TBL1Y: variants seen among roughly 807,000 people sequenced by gnomAD.
TBL1Y encodes F-box-like/WD repeat-containing protein TBL1Y.
A neutral mutation model predicts 12.0 loss-of-function variants in TBL1Y; 15 were observed. The observed-to-expected ratio is 1.25, with a 90% CI of 0.83 to 1.92. The LOEUF is 1.92. Ranked by LOEUF, TBL1Y falls within the 40% of genes most tolerant of loss-of-function variation. TBL1Y has a pLI of 0.00. For synonymous variants in TBL1Y, 53 were observed against 42.6 expected (o/e 1.24, Z -0.95); for missense variants, 148 against 116.7 (o/e 1.27, Z -1.24).
chrY:7,059,082 A>G, intron 7 of TBL1Y, among the ~76,000 whole-genome samples: 1 of 32,833 alleles, frequency 3.0e-5, no homozygotes, highest in Admixed American at 2.8e-4. Flanking sequence ...AAAGCTCTAC[A>G]TGGGGGAGCA....
intron 14 of TBL1Y, among the ~76,000 whole-genome samples, chrY:7,081,864 C>G (rs2124189609): frequency 3.0e-5 from 1 of 33,037 alleles, no homozygotes; most frequent in Admixed American, 2.8e-4. Flanking sequence ...ATTGGGATTA[C>G]AATTCAACCT....
intron 2 of TBL1Y, among the ~76,000 whole-genome samples, chrY:6,925,695 C>T: frequency 5.9e-5 from 2 of 33,769 alleles, no homozygotes; most frequent in Non-Finnish European, 1.5e-4. Flanking sequence ...GGATTACAGG[C>T]GTGAGCCACT....
rs371209375 is a variant in TBL1Y at position 7,011,324 on chromosome Y, C to T, written c.-139-10125C>T. Among the ~76,000 whole-genome samples the T allele has an allele frequency of 4.7e-3, 159 of 34,193 alleles. No homozygotes were observed. In the East Asian group the frequency reaches 0.069, roughly 15 times the overall value. The allele number at this position is 34,193 out of a possible 37,273, so 91.7% of individuals were successfully genotyped here. ...CATTGCCCACTGTCCCCCTGGGGGG[C>T]AACATGACCCCAATTGAGAACCACC... On this transcript the variant is annotated intron_variant, in intron 4 of 18. Coordinates refer to ENST00000383032, the MANE Select transcript of TBL1Y (RefSeq NM_033284.2).
intron 7 of TBL1Y, among the ~76,000 whole-genome samples, chrY:7,063,343 C>T (rs2012904405): frequency 2.9e-5 from 1 of 33,954 alleles, no homozygotes; most frequent in Non-Finnish European, 7.3e-5. Flanking sequence ...GGGAAGGGTT[C>T]TTATCCCTGA....
chrY:6,972,870 C>G (rs2012215604), intron 2 of TBL1Y, among the ~76,000 whole-genome samples: 1 of 33,653 alleles, frequency 3.0e-5, no homozygotes, highest in African/African-American at 1.2e-4. Context: ...TGTGGACCAA[C>G]AAGGAGAGTG....
chrY:7,087,827 A>C (rs113325051), intron 17 of TBL1Y, among the ~76,000 whole-genome samples: 1,933 of 32,631 alleles, frequency 0.059, no homozygotes, highest in South Asian at 0.31. Context: ...CTAGATATTG[A>C]GGTTGGAGGG....
chrY:6,924,432 A>G (rs749003967), intron 2 of TBL1Y, among the ~76,000 whole-genome samples: 1 of 31,491 alleles, frequency 3.2e-5, no homozygotes, highest in South Asian at 7.6e-4. Context: ...CTAAAAATAC[A>G]AAAAAATTAG....
At chrY:7,082,916 T>C in intron 14 of TBL1Y, among the ~76,000 whole-genome samples, 4 of 33,341 alleles carry the variant, frequency 1.2e-4, no homozygotes. Flanking sequence ...CTGATGTAAA[T>C]TCCATTTTTC....
intron 2 of TBL1Y, among the ~76,000 whole-genome samples, chrY:6,917,961 ATCTCAT>A (rs2011747270): frequency 3.0e-5 from 1 of 33,226 alleles, no homozygotes; most frequent in Non-Finnish European, 7.4e-5. Context: ...TGCCACCTTC[ATCTCAT>A]TCTCTTCTTA....
chrY:6,927,607 A>T, intron 2 of TBL1Y, among the ~76,000 whole-genome samples: 1 of 33,639 alleles, frequency 3.0e-5, no homozygotes, highest in Non-Finnish European at 7.3e-5. Context: ...GAAATCTTGG[A>T]AAAATGCTAA....
intron 6 of TBL1Y, among the ~76,000 whole-genome samples, chrY:7,038,781 T>C (rs2012707870): frequency 3.0e-5 from 1 of 33,506 alleles, no homozygotes; most frequent in Non-Finnish European, 7.4e-5. Flanking sequence ...CTATCTTTCA[T>C]TGAGGTACCA....
At chrY:7,064,908 G>C (rs2012966209) in intron 8 of TBL1Y, among the ~76,000 whole-genome samples, 1 of 33,410 alleles carries the variant, frequency 3.0e-5, no homozygotes. Flanking sequence ...AAAATAGTGT[G>C]ACATAAAGGT....
At chrY:6,992,064 C>G in intron 3 of TBL1Y, among the ~76,000 whole-genome samples, 1 of 33,929 alleles carries the variant, frequency 2.9e-5, no homozygotes, top group Admixed American at 2.7e-4. Flanking sequence ...GGACGATGTC[C>G]AAGTCTGGTC....
chrY:7,034,609 A>G (rs999137498), intron 6 of TBL1Y, among the ~76,000 whole-genome samples: 8 of 33,514 alleles, frequency 2.4e-4, no homozygotes, highest in African/African-American at 9.3e-4. Flanking sequence ...CCAAAACAGA[A>G]TGGTACTGGT....
intron 3 of TBL1Y, among the ~76,000 whole-genome samples, chrY:6,983,190 T>C: frequency 3.0e-5 from 1 of 33,089 alleles, no homozygotes; most frequent in Admixed American, 2.8e-4. Flanking sequence ...CCTGTGTCTC[T>C]TGGGGGTCAA....
intron 6 of TBL1Y, among the ~76,000 whole-genome samples, chrY:7,036,069 G>A (rs775223476): frequency 3.0e-5 from 1 of 33,469 alleles, no homozygotes; most frequent in Non-Finnish European, 7.4e-5. Context: ...TGGCTGCCGG[G>A]AGTCCAGAGT....
At chrY:7,029,181 C>A in intron 6 of TBL1Y, among the ~76,000 whole-genome samples, 1 of 33,408 alleles carries the variant, frequency 3.0e-5, no homozygotes, top group Admixed American at 2.7e-4. Flanking sequence ...TGGGACAGAA[C>A]CACAGATTCA....
At chrY:6,920,085 A>G (rs2011765475) in intron 2 of TBL1Y, 2 of 33,659 alleles carry the variant, frequency 5.9e-5, no homozygotes, top group Non-Finnish European at 1.5e-4. Flanking sequence ...CAACACCAAA[A>G]GAAAGGAAAA....
chrY:7,043,239 C>T, intron 7 of TBL1Y, 114 bp downstream of exon 7: 3 of 248,638 alleles, frequency 1.2e-5, no homozygotes, highest in Non-Finnish European at 1.9e-5. Flanking sequence ...ATTAATTCGG[C>T]GGCAGGGTGC....
Sources: allele counts gnomAD v4.1 joint callset (sites outside exome capture counted in the v4.1 genomes callset), GRCh38; gene constraint gnomAD v4.1.1; transcripts MANE v1.5; gene names NCBI Gene and HGNC (gene_info 2026-07-23, HGNC 2026-07-21).